EXOC6B: variants seen among roughly 807,000 people sequenced by gnomAD.
The protein encoded by EXOC6B is SEC15 homolog B.
EXOC6B carries 54 observed loss-of-function variants against 113.5 expected under a neutral mutation model. The ratio of observed to expected loss-of-function variants is 0.48; its 90% CI spans 0.38 to 0.60. The LOEUF (loss-of-function observed/expected upper bound fraction) is 0.60. Ranked by LOEUF, EXOC6B falls within the 20% of genes least tolerant of loss-of-function variation. The pLI is 0.00. For synonymous variants in EXOC6B, 357 were observed against 339.0 expected, an observed-to-expected ratio of 1.05 and a Z score of -0.58; for missense variants, 797 against 977.5, an observed-to-expected ratio of 0.82 and a Z score of 2.46.
chr2:72,351,932 A>C (rs555125571), intron 19 of EXOC6B, among the ~76,000 whole-genome samples: 1 of 152,292 alleles, frequency 6.6e-6, no homozygotes. Context: ...CCTATTCTTT[A>C]GTCAAAATGA....
At chr2:72,493,691 T>C (rs137965117) in intron 15 of EXOC6B, among the ~76,000 whole-genome samples, 1 of 152,198 alleles carries the variant, frequency 6.6e-6, no homozygotes, top group African/African-American at 2.4e-5. Context: ...AGAAATGCCA[T>C]GTGTTTGCTA....
At position 72,498,498 on chromosome 2, in the gene EXOC6B, G is replaced by T. The variant is rs1398190043; in HGVS notation, c.1293C>A (p.Asp431Glu). Reference protein sequence around the residue: ...QLFDMLLEIRDQYSETLLKKW... With the variant: ...QLFDMLLEIREQYSETLLKKW... ...TCTTTAGCAGAGTTTCACTATATTG[G>T]TCTCTGATTTCTAACAGCATGTCAA... The change falls in exon 13 of 22, where the codon GAC becomes GAA. Residue 431 changes from aspartate (D) to glutamate (E), a missense_variant. Transcript: ENST00000272427. The T allele has an allele frequency of 1.2e-6, 2 of 1,611,468 alleles. No homozygotes were observed. Among genetic ancestry groups the T allele is most frequent in the African/African-American group, 2.7e-5 (2 of 74,766 alleles).
intron 16 of EXOC6B, among the ~76,000 whole-genome samples, chr2:72,483,034 T>C (rs1699198965): frequency 1.3e-5 from 2 of 152,160 alleles, no homozygotes; most frequent in Non-Finnish European, 2.9e-5. Context: ...TTCAGAAATT[T>C]TGAGTTTTGA....
chr2:72,299,790 A>G (rs1293192723), intron 20 of EXOC6B, among the ~76,000 whole-genome samples: 2 of 152,166 alleles, frequency 1.3e-5, no homozygotes. Flanking sequence ...TCTAACAGTC[A>G]GGCCTCTCTG....
chr2:72,315,450 G>A (rs1687461129), intron 20 of EXOC6B, among the ~76,000 whole-genome samples: 1 of 152,014 alleles, frequency 6.6e-6, no homozygotes, highest in Non-Finnish European at 1.5e-5. Flanking sequence ...TTTAGGAAGA[G>A]GAATGATATG....
intron 8 of EXOC6B, among the ~76,000 whole-genome samples, chr2:72,516,548 C>G (rs1035264676): frequency 4.6e-5 from 7 of 152,124 alleles, no homozygotes; most frequent in Non-Finnish European, 1.0e-4. Context: ...GCCCTGAATT[C>G]TACTCTTAAT....
intron 20 of EXOC6B, among the ~76,000 whole-genome samples, chr2:72,272,810 G>A (rs1684576901): frequency 6.6e-6 from 1 of 152,150 alleles, no homozygotes; most frequent in African/African-American, 2.4e-5. Flanking sequence ...GGTAGAACTG[G>A]CCATTGCTTG....
intron 18 of EXOC6B, among the ~76,000 whole-genome samples, chr2:72,451,792 A>G (rs1363428809): frequency 6.6e-6 from 1 of 152,114 alleles, no homozygotes; most frequent in Non-Finnish European, 1.5e-5. Flanking sequence ...CGGCTAATTC[A>G]AAGACAGGGA....
At chr2:72,438,131 G>A (rs1382990897) in intron 18 of EXOC6B, among the ~76,000 whole-genome samples, 2 of 152,056 alleles carry the variant, frequency 1.3e-5, no homozygotes, top group African/African-American at 2.4e-5. Flanking sequence ...TTCTAAAGCT[G>A]TACACGTGAT....
chr2:72,332,138 T>G (rs1688448877), intron 20 of EXOC6B, among the ~76,000 whole-genome samples: 1 of 152,074 alleles, frequency 6.6e-6, no homozygotes, highest in Admixed American at 6.6e-5. Flanking sequence ...TGGGGGCAGA[T>G]CCTCTTCTTA....
At chr2:72,410,395 A>G (rs1694096561) in intron 18 of EXOC6B, among the ~76,000 whole-genome samples, 1 of 152,214 alleles carries the variant, frequency 6.6e-6, no homozygotes, top group Non-Finnish European at 1.5e-5. Flanking sequence ...GCTTGTAGTT[A>G]TAACTGAAAA....
chr2:72,496,441 A>G lies in EXOC6B; in HGVS notation c.1443+13T>C. The G allele has an allele frequency of 6.6e-7, 1 of 1,504,402 alleles. No homozygotes were observed. Among genetic ancestry groups the G allele is most frequent in the Non-Finnish European group, 9.1e-7 (1 of 1,093,430 alleles). The allele number at this position is 1,504,402 out of a possible 1,614,324, so 93.2% of individuals were successfully genotyped here. A position where few individuals can be genotyped will look rare whatever the true frequency, so the allele number is the denominator to read the frequency against. ...AAAACAACCAGAGAAATTTATTTTA[A>G]AGTATTCCTTACCTTTTCCAGTTCT... On this transcript the variant is annotated intron_variant, in intron 14 of 21. Transcript: ENST00000272427.
chr2:72,266,058 A>T (rs1164840869), intron 20 of EXOC6B, among the ~76,000 whole-genome samples: 2 of 152,162 alleles, frequency 1.3e-5, no homozygotes, highest in Non-Finnish European at 2.9e-5. Context: ...CCTTCTTTTG[A>T]GAAGTGTCTG....
chr2:72,183,392 CAT>C (rs1678214660), intron 21 of EXOC6B, among the ~76,000 whole-genome samples: 1 of 152,190 alleles, frequency 6.6e-6, no homozygotes, highest in Non-Finnish European at 1.5e-5. Flanking sequence ...TTCTGGGTGA[CAT>C]ATTTGTTAGC....
chr2:72,628,147 C>T (rs1672173823), intron 6 of EXOC6B, among the ~76,000 whole-genome samples: 1 of 151,750 alleles, frequency 6.6e-6, no homozygotes, highest in Non-Finnish European at 1.5e-5. Flanking sequence ...TTTTTTGAGA[C>T]AGGATCTTGC....
chr2:72,707,566 A>G (rs541995641), intron 6 of EXOC6B, among the ~76,000 whole-genome samples: 1 of 152,078 alleles, frequency 6.6e-6, no homozygotes, highest in East Asian at 1.9e-4. Flanking sequence ...GGTGCCAGCC[A>G]TCACGCCCAG....
rs955904244 is a variant in EXOC6B at position 72,496,676 on chromosome 2, TAATA to T, written c.1338-121_1338-118del. The T allele has an allele frequency of 5.8e-6, 4 of 687,466 alleles. No homozygotes were observed. The African/African-American group carries it at 7.2e-5, about 12-fold the overall frequency. The allele number at this position is 687,466 out of a possible 1,614,324, so 42.6% of individuals were successfully genotyped here. Reference sequence around the variant, plus strand: ...ATATTTTTCTGATGAACTCCAATCTTAATATATATGCCACAACCCAAAATGAACA... The same window carrying T: ...ATATTTTTCTGATGAACTCCAATCTTTATATGCCACAACCCAAAATGAACA... On this transcript the variant is annotated intron_variant, in intron 13 of 21. Coordinates refer to ENST00000272427, the MANE Select transcript of EXOC6B (RefSeq NM_015189.3).
chr2:72,241,843 C>T (rs1682329489), intron 20 of EXOC6B, among the ~76,000 whole-genome samples: 1 of 152,084 alleles, frequency 6.6e-6, no homozygotes, highest in South Asian at 2.1e-4. Flanking sequence ...GGTAGACCTG[C>T]TCGCAAGAAA....
intron 20 of EXOC6B, among the ~76,000 whole-genome samples, chr2:72,286,813 T>C (rs1685457118): frequency 6.6e-6 from 1 of 151,890 alleles, no homozygotes; most frequent in African/African-American, 2.4e-5. Context: ...GCTGTAAAAA[T>C]ACGAAGTCCT....
Sources: allele counts gnomAD v4.1 joint callset (sites outside exome capture counted in the v4.1 genomes callset), GRCh38; gene constraint gnomAD v4.1.1; transcripts MANE v1.5; gene names NCBI Gene and HGNC (gene_info 2026-07-23, HGNC 2026-07-21).